SYT1: variants seen among roughly 807,000 people sequenced by gnomAD.
SYT1 encodes the protein synaptotagmin-1.
SYT1 carries 8 observed loss-of-function variants against 44.8 expected under a neutral mutation model. The observed-to-expected ratio is 0.18, with a 90% CI of 0.10 to 0.32. The LOEUF (loss-of-function observed/expected upper bound fraction) is 0.32, where lower values mean the gene tolerates loss of function less well. SYT1 is among the 10% of genes least tolerant of loss of function. The pLI is 1.00. For missense variants in SYT1, 286 were observed against 509.3 expected (o/e 0.56, Z 4.22); for synonymous variants, 154 against 188.8 (o/e 0.82, Z 1.51).
At chr12:78,868,823 G>A (rs191085566) in intron 1 of SYT1, 178 of 151,728 alleles carry the variant, frequency 1.2e-3, no homozygotes, top group African/African-American at 4.0e-3. Flanking sequence ...CTTTTAAAAT[G>A]GGGTTCCATG....
intron 9 of SYT1, among the ~76,000 whole-genome samples, chr12:79,424,159 A>G (rs1869292120): frequency 6.6e-6 from 1 of 152,028 alleles, no homozygotes; most frequent in Non-Finnish European, 1.5e-5. Flanking sequence ...TGTCACTACC[A>G]TGCCTCTAAT....
intron 1 of SYT1, among the ~76,000 whole-genome samples, chr12:78,912,274 A>G (rs1433597740): frequency 1.3e-5 from 2 of 151,880 alleles, no homozygotes; most frequent in Non-Finnish European, 2.9e-5. Context: ...TCCGTACTGT[A>G]CAAGGCACTA....
At chr12:79,229,346 A>T (rs1472678831) in intron 4 of SYT1, among the ~76,000 whole-genome samples, 1 of 152,254 alleles carries the variant, frequency 6.6e-6, no homozygotes, top group African/African-American at 2.4e-5. Flanking sequence ...TCTAGAAAGC[A>T]GTAGTTTTCA....
chr12:79,333,043 T>C (rs959062790), intron 8 of SYT1, among the ~76,000 whole-genome samples: 9 of 152,194 alleles, frequency 5.9e-5, no homozygotes, highest in Non-Finnish European at 1.2e-4. Context: ...TAGCATTCCA[T>C]CTACAGAGGG....
chr12:79,202,879 A>G, intron 3 of SYT1, among the ~76,000 whole-genome samples: 1 of 152,198 alleles, frequency 6.6e-6, no homozygotes, highest in East Asian at 1.9e-4. Flanking sequence ...ATTCATATTT[A>G]TCCAGCTCCA....
intron 1 of SYT1, among the ~76,000 whole-genome samples, chr12:78,974,476 G>A (rs1026045224): frequency 3.3e-5 from 5 of 151,324 alleles, no homozygotes; most frequent in African/African-American, 9.7e-5. Context: ...TTGCTCTGTC[G>A]CCCAGGCTGG....
At chr12:78,909,605 T>C (rs1467843618) in intron 1 of SYT1, among the ~76,000 whole-genome samples, 2 of 151,974 alleles carry the variant, frequency 1.3e-5, no homozygotes, top group Non-Finnish European at 2.9e-5. Context: ...GGTCCTCTTA[T>C]AATCTAAGCC....
chr12:79,413,923 C>T lies in SYT1; in HGVS notation c.929-30150C>T, dbSNP rs1372538201. Among the ~76,000 whole-genome samples, 3 of 152,106 alleles carry T rather than the reference C, an allele frequency of 2.0e-5. No individual in the cohort carries two copies. In the East Asian group the frequency reaches 5.8e-4, roughly 29 times the overall value. ...CATAACTCTCTTTTCCTCTATAAGC[C>T]TAACAGTTCTTTTCCATATATGTAA... On this transcript the variant is annotated intron_variant, in intron 9 of 10. Coordinates refer to ENST00000261205, the MANE Select transcript of SYT1 (RefSeq NM_005639.3).
At chr12:79,137,484 T>G (rs1410242987) in intron 3 of SYT1, among the ~76,000 whole-genome samples, 2 of 152,144 alleles carry the variant, frequency 1.3e-5, no homozygotes, top group Non-Finnish European at 2.9e-5. Context: ...TACACAATAA[T>G]ACAAGAGCAA....
At chr12:79,159,742 C>T (rs768923737) in intron 3 of SYT1, among the ~76,000 whole-genome samples, 2 of 152,110 alleles carry the variant, frequency 1.3e-5, no homozygotes, top group Non-Finnish European at 2.9e-5. Flanking sequence ...TAGCATGTTT[C>T]ATCAAATCTA....
intron 3 of SYT1, among the ~76,000 whole-genome samples, chr12:79,073,482 C>T (rs1426956869): frequency 6.6e-6 from 1 of 152,080 alleles, no homozygotes; most frequent in African/African-American, 2.4e-5. Flanking sequence ...TGGGGAATCC[C>T]TACTCCATAC....
chr12:79,042,939 A>C (rs2137737131), intron 2 of SYT1, among the ~76,000 whole-genome samples: 1 of 151,234 alleles, frequency 6.6e-6, no homozygotes, highest in South Asian at 2.1e-4. Context: ...AGCGGTTTTG[A>C]ATGAGATTCT....
intron 9 of SYT1, among the ~76,000 whole-genome samples, chr12:79,368,955 A>G (rs1022869642): frequency 6.6e-6 from 1 of 152,138 alleles, no homozygotes; most frequent in Admixed American, 6.5e-5. Context: ...TTGGTGTTTT[A>G]GACATGAAGT....
intron 3 of SYT1, among the ~76,000 whole-genome samples, chr12:79,063,834 A>G (rs2137857261): frequency 6.6e-6 from 1 of 152,126 alleles, no homozygotes; most frequent in Admixed American, 6.6e-5. Flanking sequence ...AAACCCACTC[A>G]CCCTTCCAAA....
chr12:79,278,518 G>A (rs554155773), intron 4 of SYT1, among the ~76,000 whole-genome samples: 1 of 152,216 alleles, frequency 6.6e-6, no homozygotes, highest in South Asian at 2.1e-4. Flanking sequence ...CAAGAGCAGA[G>A]CTAAGAGGGA....
chr12:79,041,140 G>C (rs995465789), intron 2 of SYT1, among the ~76,000 whole-genome samples: 1 of 151,130 alleles, frequency 6.6e-6, no homozygotes, highest in Non-Finnish European at 1.5e-5. Context: ...CTTTAAAGTA[G>C]TTTTTTCCAA....
chr12:78,983,840 G>T (rs1015831005), intron 2 of SYT1, among the ~76,000 whole-genome samples: 1 of 151,992 alleles, frequency 6.6e-6, no homozygotes, highest in Non-Finnish European at 1.5e-5. Flanking sequence ...GCAGTGTAAA[G>T]TTTCTATAAC....
Position 79,186,940 on chromosome 12 carries a change from TA to T in SYT1, c.-17-30559del, listed in dbSNP as rs569063554. On this transcript the variant is annotated intron_variant, in intron 3 of 10. Transcript: ENST00000261205. ...ACAAATGTAAATAATATTTACTCCT[TA>T]AAAGGTAATCTAATCTGGTATTATT... Among the ~76,000 whole-genome samples, 10 of 152,194 alleles carry T rather than the reference TA, an allele frequency of 6.6e-5. No homozygotes were observed. The East Asian group carries it at 9.7e-4, about 15-fold the overall frequency.
chr12:78,981,316 G>A lies in SYT1; in HGVS notation c.-84+3385G>A, dbSNP rs147164157. Among the ~76,000 whole-genome samples, 687 of 152,000 alleles carry A rather than the reference G, an allele frequency of 4.5e-3. 5 individuals carry two copies. Among genetic ancestry groups the A allele is most frequent in the African/African-American group, 0.015 (639 of 41,458 alleles). ...CTAATTTTGTACTTTTAGTAGAGAT[G>A]GGGTTTCTCCATGTTGGCCAGGCTG... On this transcript the variant is annotated intron_variant, in intron 2 of 10. Transcript: ENST00000261205.
Sources: gnomAD v4.1 joint callset for allele counts (sites outside exome capture counted in the v4.1 genomes callset) on GRCh38, gnomAD v4.1.1 for gene constraint, MANE v1.5 for transcripts, NCBI Gene and HGNC (gene_info 2026-07-23, HGNC 2026-07-21) for gene names.